The following TRIM2 variants were observed in gnomAD, a reference collection of about 807,000 sequenced individuals.
The protein encoded by TRIM2 is tripartite motif-containing protein 2.
In TRIM2, 20 loss-of-function variants were observed where a neutral mutation model predicts 75.2. The observed-to-expected ratio is 0.27, with a 90% CI of 0.19 to 0.39. The LOEUF (loss-of-function observed/expected upper bound fraction) is 0.39, where lower values mean the gene tolerates loss of function less well. TRIM2 is among the 10% of genes least tolerant of loss of function. TRIM2 has a pLI of 1.00. For synonymous variants in TRIM2, 373 were observed against 388.3 expected (o/e 0.96, Z 0.46); for missense variants, 660 against 990.8 (o/e 0.67, Z 4.48).
At chr4:153,278,755 G>A (rs1758573767) in intron 3 of TRIM2, among the ~76,000 whole-genome samples, 2 of 149,330 alleles carry the variant, frequency 1.3e-5, no homozygotes, top group Admixed American at 6.7e-5. Context: ...CCATGATTGC[G>A]CCTCTGCGCT....
upstream of TRIM2, among the ~76,000 whole-genome samples, chr4:153,203,432 C>CACACAT (rs1491120001): frequency 1.4e-5 from 2 of 145,012 alleles, no homozygotes; most frequent in South Asian, 2.3e-4. Context: ...CACACACACA[C>CACACAT]GAAGAAGAAC....
intron 1 of TRIM2, among the ~76,000 whole-genome samples, chr4:153,214,597 A>G (rs545602034): frequency 6.6e-6 from 1 of 152,354 alleles, no homozygotes; most frequent in South Asian, 2.1e-4. Flanking sequence ...CATCATTATG[A>G]ATAACGACAA....
chr4:153,260,680 C>A (rs796845745), intron 1 of TRIM2, among the ~76,000 whole-genome samples: 1 of 90,746 alleles, frequency 1.1e-5, no homozygotes, highest in Non-Finnish European at 2.3e-5. Flanking sequence ...ACACACCCAC[C>A]CACACACCCA....
intron 1 of TRIM2, among the ~76,000 whole-genome samples, chr4:153,264,240 G>C (rs1338497466): frequency 6.6e-6 from 1 of 152,124 alleles, no homozygotes; most frequent in African/African-American, 2.4e-5. Context: ...TTTGGCTAAG[G>C]TCAATATCAA....
intron 1 of TRIM2, among the ~76,000 whole-genome samples, chr4:153,187,929 A>C (rs565364342): frequency 2.6e-5 from 4 of 152,322 alleles, no homozygotes; most frequent in Admixed American, 2.6e-4. Flanking sequence ...GTCCTATTAT[A>C]TAACCCAAAG....
chr4:153,262,146 C>T (rs1381226096), intron 1 of TRIM2, among the ~76,000 whole-genome samples: 2 of 152,044 alleles, frequency 1.3e-5, no homozygotes, highest in Non-Finnish European at 2.9e-5. Context: ...TTCTTCTTGC[C>T]CAGTGCACAG....
At chr4:153,245,360 T>C (rs1222844404) in intron 1 of TRIM2, among the ~76,000 whole-genome samples, 2 of 152,192 alleles carry the variant, frequency 1.3e-5, no homozygotes, top group Non-Finnish European at 2.9e-5. Context: ...GTCCAGACAG[T>C]GAGTTAGGGT....
chr4:153,228,621 A>T (rs1395410144), intron 1 of TRIM2, among the ~76,000 whole-genome samples: 1 of 152,238 alleles, frequency 6.6e-6, no homozygotes, highest in African/African-American at 2.4e-5. Flanking sequence ...ATTAAACAGA[A>T]TTCTTTCTTA....
chr4:153,192,602 CAAAAAAAA>C (rs35750080), intron 1 of TRIM2, among the ~76,000 whole-genome samples: 4 of 106,436 alleles, frequency 3.8e-5, no homozygotes, highest in Non-Finnish European at 7.4e-5. Flanking sequence ...GACCCTATCT[CAAAAAAAA>C]AAAAAAAAAA....
chr4:153,290,190 G>C (rs1256246687), intron 3 of TRIM2, among the ~76,000 whole-genome samples: 1 of 152,160 alleles, frequency 6.6e-6, no homozygotes, highest in Non-Finnish European at 1.5e-5. Context: ...AGAATTTAGT[G>C]GGGAATGCTC....
chr4:153,223,727 A>G (rs1262414215), intron 1 of TRIM2, among the ~76,000 whole-genome samples: 1 of 152,216 alleles, frequency 6.6e-6, no homozygotes, highest in Non-Finnish European at 1.5e-5. Context: ...ATCCAACCCC[A>G]TGGAGCAACT....
At chr4:153,328,305 CA>C (rs1462635675) in intron 10 of TRIM2, among the ~76,000 whole-genome samples, 5 of 151,804 alleles carry the variant, frequency 3.3e-5, no homozygotes, top group African/African-American at 4.8e-5. Context: ...AGATATAAGC[CA>C]AAAAAAGTGA....
At chr4:153,226,792 T>C (rs780437564) in intron 1 of TRIM2, among the ~76,000 whole-genome samples, 9 of 152,094 alleles carry the variant, frequency 5.9e-5, no homozygotes, top group Non-Finnish European at 1.2e-4. Context: ...AAAAGAGAGA[T>C]CTAAGACCAA....
At chr4:153,310,089 T>C (rs1765918085) in intron 6 of TRIM2, 1 of 152,184 alleles carries the variant, frequency 6.6e-6, no homozygotes, top group African/African-American at 2.4e-5. Context: ...TAAAAATTCA[T>C]TTTGTGCTTC....
At position 153,336,791 on chromosome 4, in the gene TRIM2, G is replaced by GA; in HGVS notation, c.*1831dup. On this transcript the variant is annotated 3_prime_UTR_variant, in exon 12 of 12. Transcript: ENST00000338700. ...ATTTATTATGCCCAAATCAACCTCT[G>GA]AAAAAAGGTTTTTCCAGGAAGATTT... is the stretch of plus-strand genomic sequence containing the variant. 1 of 985,522 alleles carries GA rather than the reference G, an allele frequency of 1.0e-6. No individual in the cohort carries two copies. The highest frequency in any genetic ancestry group is 1.2e-6 in the Non-Finnish European group (1 of 829,722). 61.0% of individuals were successfully genotyped at this position (985,522 alleles called of 1,614,324 possible).
rs139793797 is a variant in TRIM2 at position 153,263,490 on chromosome 4, C to T, written c.31-6845C>T. 1.9e-3 allele frequency among the ~76,000 whole-genome samples: 289 copies of T among 152,244 alleles called. 1 individual carries two copies. Among genetic ancestry groups the T allele is most frequent in the African/African-American group, 6.7e-3 (278 of 41,544 alleles). ...ATAAGTCCGTTTCCATGTTATATTT[C>T]GCTAGTTTGATTCATTCAAAAGATA... On this transcript the variant is annotated intron_variant, in intron 1 of 11. Coordinates refer to ENST00000338700, the MANE Select transcript of TRIM2 (RefSeq NM_015271.5).
intron 1 of TRIM2, among the ~76,000 whole-genome samples, chr4:153,224,430 A>G (rs1207279564): frequency 2.0e-5 from 3 of 152,230 alleles, no homozygotes; most frequent in East Asian, 1.9e-4. Context: ...GGCTAGGTAC[A>G]GAACACCACA....
At chr4:153,193,062 A>G (rs1299339985) in intron 1 of TRIM2, among the ~76,000 whole-genome samples, 1 of 150,606 alleles carries the variant, frequency 6.6e-6, no homozygotes, top group Admixed American at 6.6e-5. Context: ...TGTTTTGTTC[A>G]CTGCTTTATT....
chr4:153,312,230 C>T (rs1171406691), intron 6 of TRIM2, among the ~76,000 whole-genome samples: 1 of 151,858 alleles, frequency 6.6e-6, no homozygotes, highest in Non-Finnish European at 1.5e-5. Context: ...CATGTCCCTA[C>T]AAAGGACATG....
Sources: allele counts gnomAD v4.1 joint callset (sites outside exome capture counted in the v4.1 genomes callset), GRCh38; gene constraint gnomAD v4.1.1; transcripts MANE v1.5; gene names NCBI Gene and HGNC (gene_info 2026-07-23, HGNC 2026-07-21).